ASPM: variants seen among roughly 807,000 people sequenced by gnomAD.
ASPM encodes the protein assembly factor for spindle microtubules, also known as abnormal spindle-like microcephaly-associated protein.
Under a neutral mutation model 366.4 loss-of-function variants are expected in ASPM, and 256 were observed. The observed-to-expected ratio is 0.70, with a 90% CI of 0.63 to 0.77. The LOEUF is 0.77. Among genes scored for constraint, ASPM ranks in the 30% least tolerant of loss-of-function variants. The probability of loss-of-function intolerance (pLI) is 0.00; values close to 1 mark genes in which losing one functional copy is unlikely to be tolerated. For synonymous variants in ASPM, 1,414 were observed against 1,342.9 expected (o/e 1.05, Z -1.16); for missense variants, 4,146 against 4,090.4 (o/e 1.01, Z -0.37).
rs1354927884 is a variant in ASPM at position 197,090,877 on chromosome 1, T to C, written c.9609A>G (p.Lys3203=). Residue 3203 remains lysine, a synonymous_variant, in exon 23 of 28, where the codon AAA becomes AAG. Transcript: ENST00000367409. ...RHFLLRKKQE[K]FTSGIIKIQA... ...GAATTTTAATGATTCCACTAGTGAA[T>C]TTTTCCTGCTTTTTACGGAGGAGAA... 1 of 1,613,132 alleles carries C rather than the reference T, an allele frequency of 6.2e-7. No individual in the cohort carries two copies. The highest frequency in any genetic ancestry group is 8.5e-7 in the Non-Finnish European group (1 of 1,179,450).
At chr1:197,129,119 T>C in intron 9 of ASPM, 68 bp downstream of exon 9, 7 of 1,546,044 alleles carry the variant, frequency 4.5e-6, no homozygotes, top group Non-Finnish European at 5.3e-6. Context: ...AGAGAAAACA[T>C]ACCATGAAAG....
Position 197,135,186 on chromosome 1 carries a change from A to G in ASPM, c.2083T>C (p.Trp695Arg). Reference sequence around the variant, plus strand: ...AAGCCCTGTTCCTGCTTTTCCTTCCAGCGTTCATCATAAAACATGTTTTTT... The same window carrying G: ...AAGCCCTGTTCCTGCTTTTCCTTCCGGCGTTCATCATAAAACATGTTTTTT... The part of the protein sequence containing the change: ...AAKNMFYDER[W>R]KEKQEQGFTW... Residue 695 changes from tryptophan to arginine, a missense_variant, in exon 5 of 28, where the codon TGG becomes CGG. This residue lies in a region of ASPM where 3,624 missense variants were observed against 3,591.7 expected (regional missense o/e 1.01). Transcript: ENST00000367409. The G allele has an allele frequency of 1.2e-6, 2 of 1,613,896 alleles. No individual in the cohort carries two copies. The highest frequency in any genetic ancestry group is 8.5e-7 in the Non-Finnish European group (1 of 1,179,836).
chr1:197,108,172 C>T (rs1657468682), intron 17 of ASPM, among the ~76,000 whole-genome samples: 1 of 151,260 alleles, frequency 6.6e-6, no homozygotes, highest in Non-Finnish European at 1.5e-5. Flanking sequence ...AACTTTAAAT[C>T]ATAGAAAAAG....
At position 197,100,622 on chromosome 1, in the gene ASPM, T is replaced by C. The variant is rs1353911853; in HGVS notation, c.8629A>G (p.Lys2877Glu). The C allele has an allele frequency of 6.2e-7, 1 of 1,612,080 alleles. No individual in the cohort carries two copies. The highest frequency in any genetic ancestry group is 1.7e-5 in the Admixed American group (1 of 59,720). ...QHYFRTWQTR[K>E]QFLLYRKAAV... ...GCTTTTCTATATAGTAAAAACTGTTTTCTGGTTTGCCACGTCCTAAAATAA... is the reference window on the plus strand; with the variant it reads ...GCTTTTCTATATAGTAAAAACTGTTCTCTGGTTTGCCACGTCCTAAAATAA... Residue 2877 changes from lysine (K) to glutamate (E), a missense_variant, in exon 18 of 28, where the codon AAA becomes GAA. Lys to Glu is a moderately conservative substitution (Grantham distance 56). This residue lies in a region of ASPM where 3,624 missense variants were observed against 3,591.7 expected (regional missense o/e 1.01). Coordinates refer to ENST00000367409, the MANE Select transcript of ASPM (RefSeq NM_018136.5).
intron 1 of ASPM, among the ~76,000 whole-genome samples, chr1:197,144,361 A>ACC: frequency 6.6e-6 from 1 of 152,212 alleles, no homozygotes; most frequent in African/African-American, 2.4e-5. Flanking sequence ...ATAGTCTCTA[A>ACC]ATCATTTTGT....
chr1:197,136,601 T>G (rs911758242), intron 4 of ASPM, among the ~76,000 whole-genome samples: 14 of 152,050 alleles, frequency 9.2e-5, no homozygotes, highest in African/African-American at 2.9e-4. Flanking sequence ...ATATGTAATT[T>G]TCATAGTAAA....
At chr1:197,089,856 A>C in intron 25 of ASPM, 74 bp downstream of exon 25, 1 of 1,440,230 alleles carries the variant, frequency 6.9e-7, no homozygotes, top group Non-Finnish European at 9.8e-7. Flanking sequence ...CCTAGTGATG[A>C]GTAAACCCAA....
intron 10 of ASPM, among the ~76,000 whole-genome samples, chr1:197,126,034 C>CA (rs1290579231): frequency 2.0e-5 from 3 of 152,150 alleles, no homozygotes; most frequent in African/African-American, 7.2e-5. Context: ...CTTATCAAAA[C>CA]AGAAATTTGG....
At position 197,101,137 on chromosome 1, in the gene ASPM, T is replaced by C. The variant is rs1385202713; in HGVS notation, c.8114A>G (p.Lys2705Arg). The C allele has an allele frequency of 6.2e-7, 1 of 1,612,338 alleles. No individual in the cohort carries two copies. The highest frequency in any genetic ancestry group is 8.5e-7 in the Non-Finnish European group (1 of 1,179,042). Residue 2705 changes from lysine (K) to arginine (R), a missense_variant, in exon 18 of 28, where the codon AAA becomes AGA. By Grantham distance (26) the Lys-to-Arg change is conservative. Transcript: ENST00000367409. ...AGTTTTCTTTGTTTCATAATCAACTTTGGCCCTGTGCATTCGATAGAATGA... is the reference window on the plus strand; with the variant it reads ...AGTTTTCTTTGTTTCATAATCAACTCTGGCCCTGTGCATTCGATAGAATGA... ...IQSFYRMHRA[K>R]VDYETKKTAI...
Position 197,096,086 on chromosome 1 carries a change from A to T in ASPM, c.8899T>A (p.Cys2967Ser), listed in dbSNP as rs1319751911. ...AACKIQAWYR[C>S]WRAHKEYLAI... Reference sequence around the variant, plus strand: ...AGATATTCTTTGTGTGCTCTCCAACATCTATACCAGGCTTGAATCTTGCAG... The same window carrying T: ...AGATATTCTTTGTGTGCTCTCCAACTTCTATACCAGGCTTGAATCTTGCAG... Residue 2967 changes from cysteine (C) to serine (S), a missense_variant, in exon 19 of 28, where the codon TGT (cysteine) becomes AGT (serine). Cys to Ser is a moderately radical substitution (Grantham distance 112). Around this residue, in one of 3 missense-constraint regions of ASPM, gnomAD observed 3,624 missense variants for 3,591.7 expected, o/e 1.01. Transcript: ENST00000367409. 2 of 1,609,898 alleles carry T rather than the reference A, an allele frequency of 1.2e-6. No homozygotes were observed. The highest frequency in any genetic ancestry group is 4.5e-5 in the East Asian group (2 of 44,758).
chr1:197,100,235 T>A (rs1657108359), intron 18 of ASPM, among the ~76,000 whole-genome samples, 196 bp downstream of exon 18: 1 of 151,640 alleles, frequency 6.6e-6, no homozygotes, highest in South Asian at 2.1e-4. Context: ...GCCAGAACAA[T>A]CCCCGTTCTG....
chr1:197,117,931 G>T lies in ASPM; in HGVS notation c.3923C>A (p.Ala1308Glu). Residue 1308 changes from alanine (A) to glutamate (E), a missense_variant, in exon 17 of 28, where the codon GCA becomes GAA. Ala to Glu is a moderately radical substitution (Grantham distance 107, BLOSUM62 -1). Around this residue, in one of 3 missense-constraint regions of ASPM, gnomAD observed 3,624 missense variants for 3,591.7 expected, o/e 1.01. Coordinates refer to ENST00000367409, the MANE Select transcript of ASPM (RefSeq NM_018136.5). ...IIQLAVINFL[A>E]KQRLRKRVNA... Reference sequence around the variant, plus strand: ...AACTCTTTTTCTCAATCTTTGTTTTGCTAGAAAATTGATTACAGCCAATTG... The same window carrying T: ...AACTCTTTTTCTCAATCTTTGTTTTTCTAGAAAATTGATTACAGCCAATTG... 6.2e-7 allele frequency: 1 copy of T among 1,613,280 alleles called. No homozygotes were observed. The highest frequency in any genetic ancestry group is 8.5e-7 in the Non-Finnish European group (1 of 1,179,634).
chr1:197,106,376 A>C (rs1657409102), intron 17 of ASPM, among the ~76,000 whole-genome samples: 1 of 151,986 alleles, frequency 6.6e-6, no homozygotes, highest in Non-Finnish European at 1.5e-5. Context: ...AAAACAATAA[A>C]CTCTACATAA....
At chr1:197,146,116 G>A (rs1658768287) in intron 1 of ASPM, 25 bp downstream of exon 1, 1 of 1,613,708 alleles carries the variant, frequency 6.2e-7, no homozygotes, top group African/African-American at 1.3e-5. Flanking sequence ...ACACCGGCCT[G>A]GAGCACGCTC....
At chr1:197,108,065 T>A (rs1298104763) in intron 17 of ASPM, among the ~76,000 whole-genome samples, 4 of 152,122 alleles carry the variant, frequency 2.6e-5, no homozygotes, top group Non-Finnish European at 5.9e-5. Flanking sequence ...GAAATCACAG[T>A]ATGTGCTCTG....
rs776674394 is a variant in ASPM, at chr1:197,093,239, A to C, written c.9107T>G (p.Ile3036Ser). Residue 3036 changes from isoleucine (I) to serine (S), a missense_variant, in exon 21 of 28, where the codon ATC becomes AGC. Ile to Ser is a moderately radical substitution (Grantham distance 142, BLOSUM62 -2). Coordinates refer to ENST00000367409, the MANE Select transcript of ASPM (RefSeq NM_018136.5). Reference protein sequence around the residue: ...MIKRHRAACLIQAHYRGYKGR... With the variant: ...MIKRHRAACLSQAHYRGYKGR... ...TTTATATCCTCTATAATGTGCTTGGATCAAACAAGCAGCTCGATGTCTCTA... is the reference window on the plus strand; with the variant it reads ...TTTATATCCTCTATAATGTGCTTGGCTCAAACAAGCAGCTCGATGTCTCTA... 3 of 1,612,250 alleles carry C rather than the reference A, an allele frequency of 1.9e-6. No individual in the cohort carries two copies. The South Asian group carries it at 3.3e-5, about 18-fold the overall frequency.
chr1:197,116,113 T>C (rs917439563), intron 17 of ASPM, among the ~76,000 whole-genome samples: 7 of 152,230 alleles, frequency 4.6e-5, no homozygotes, highest in Admixed American at 4.6e-4. Flanking sequence ...GATAACTTAC[T>C]GCAGCTTCTA....
chr1:197,124,700 T>TAC (rs1183427985), intron 12 of ASPM, among the ~76,000 whole-genome samples, 170 bp downstream of exon 12: 1 of 149,348 alleles, frequency 6.7e-6, no homozygotes, highest in Admixed American at 6.7e-5. Context: ...TATATATATA[T>TAC]ATACACATAT....
chr1:197,094,043 T>G, intron 20 of ASPM, 41 bp downstream of exon 20: 1 of 1,173,642 alleles, frequency 8.5e-7, no homozygotes, highest in Non-Finnish European at 1.2e-6. Flanking sequence ...TTCTATTTCC[T>G]AAAGTAGTTA....
Sources: gnomAD v4.1 joint callset for allele counts (sites outside exome capture counted in the v4.1 genomes callset) on GRCh38, gnomAD v4.1.1 for gene constraint, gnomAD v4.1.1 regional missense constraint, MANE v1.5 for transcripts, NCBI Gene and HGNC (gene_info 2026-07-23, HGNC 2026-07-21) for gene names.